The following BAG4 variants were observed in gnomAD, a reference collection of about 807,000 sequenced individuals.
BAG4 encodes the protein BAG family molecular chaperone regulator 4.
Under a neutral mutation model 52.1 loss-of-function variants are expected in BAG4, and 28 were observed. That is an observed-to-expected ratio of 0.54 (90% CI 0.40 to 0.74). The LOEUF (loss-of-function observed/expected upper bound fraction) is 0.74. Ranked by LOEUF, BAG4 falls within the 30% of genes least tolerant of loss-of-function variation. The pLI, the probability that BAG4 is intolerant of heterozygous loss-of-function variation, is 0.00. For missense variants in BAG4, 525 were observed against 572.0 expected, an observed-to-expected ratio of 0.92 and a Z score of 0.84; for synonymous variants, 208 against 217.0, an observed-to-expected ratio of 0.96 and a Z score of 0.37.
intron 1 of BAG4, among the ~76,000 whole-genome samples, chr8:38,191,242 C>T (rs1423636534): frequency 1.3e-5 from 2 of 152,048 alleles, no homozygotes; most frequent in East Asian, 1.9e-4. Context: ...CTATAATACC[C>T]GCATAACAGT....
At position 38,194,853 on chromosome 8, in the gene BAG4, T is replaced by G. The variant is rs12541461; in HGVS notation, c.378+2058T>G. 4.1e-3 allele frequency among the ~76,000 whole-genome samples: 618 copies of G among 150,260 alleles called. 10 individuals are homozygous for G. Among genetic ancestry groups the G allele is most frequent in the Admixed American group, 0.019 (292 of 15,056 alleles). ...TACTGGGGTGTTTTTTTTTGTTTTT[T>G]TTTTTTTTTGTTTTTTTTTTTGGCC... On this transcript the variant is annotated intron_variant, in intron 2 of 4. Coordinates refer to ENST00000287322, the MANE Select transcript of BAG4 (RefSeq NM_004874.4).
At chr8:38,180,522 C>CAAAAAAAAAAAA (rs1161178024) in intron 1 of BAG4, among the ~76,000 whole-genome samples, 3,281 of 26,472 alleles carry the variant, frequency 0.12, 581 homozygotes, top group Non-Finnish European at 0.19. Context: ...GACTCCGTCT[C>CAAAAAAAAAAAA]AAAAAAAAAA....
intron 2 of BAG4, among the ~76,000 whole-genome samples, chr8:38,204,663 AAAC>A (rs1196960913): frequency 2.0e-5 from 3 of 152,026 alleles, no homozygotes; most frequent in Non-Finnish European, 2.9e-5. Flanking sequence ...AAAAAAACAA[AAAC>A]AACGCCTGTG....
Position 38,213,250 on chromosome 8 carries a change from A to G in BAG4, c.*2757A>G, listed in dbSNP as rs981947604. The G allele has an allele frequency of 2.0e-5, 3 of 151,912 alleles. No homozygotes were observed. Among genetic ancestry groups the G allele is most frequent in the African/African-American group, 7.3e-5 (3 of 41,378 alleles). 9.4% of individuals were successfully genotyped at this position (151,912 alleles called of 1,614,324 possible). On this transcript the variant is annotated 3_prime_UTR_variant, in exon 5 of 5. Transcript: ENST00000287322. ...CTACATTTATATTACTTTGGGGATC[A>G]TTTTGTCAAAGTCTTGAATAAAGTT... is the stretch of plus-strand genomic sequence containing the variant.
chr8:38,204,611 C>T (rs551394823), intron 2 of BAG4, among the ~76,000 whole-genome samples: 8 of 150,804 alleles, frequency 5.3e-5, no homozygotes, highest in Admixed American at 2.0e-4. Flanking sequence ...GGCAACATAG[C>T]GTGACCTCAT....
rs1202161675 is a variant in BAG4, at chr8:38,213,237, TACTTTGGGGATC to T, written c.*2746_*2757del. The stretch of plus-strand genomic sequence containing the variant: ...CTTTTTAAAGTGTCTACATTTATAT[TACTTTGGGGATC>T]ATTTTGTCAAAGTCTTGAATAAAGT... On this transcript the variant is annotated 3_prime_UTR_variant, in exon 5 of 5. Coordinates refer to ENST00000287322, the MANE Select transcript of BAG4 (RefSeq NM_004874.4). The T allele has an allele frequency of 1.3e-5, 2 of 152,188 alleles. No homozygotes were observed. The highest frequency in any genetic ancestry group is 4.8e-5 in the African/African-American group (2 of 41,462). 9.4% of individuals were successfully genotyped at this position (152,188 alleles called of 1,614,324 possible).
chr8:38,178,292 T>C (rs911366589), intron 1 of BAG4, among the ~76,000 whole-genome samples: 3 of 152,014 alleles, frequency 2.0e-5, no homozygotes, highest in Non-Finnish European at 4.4e-5. Flanking sequence ...GTAGCTAGGA[T>C]TACAGGCGCC....
chr8:38,201,881 T>A (rs1803683587), intron 2 of BAG4: 2 of 3,834 alleles, frequency 5.2e-4, no homozygotes, highest in Non-Finnish European at 1.1e-3. Flanking sequence ...TATATATATA[T>A]TTTTTTTTTT....
intron 2 of BAG4, among the ~76,000 whole-genome samples, chr8:38,205,285 A>G (rs1803752770): frequency 7.0e-6 from 1 of 142,556 alleles, no homozygotes; most frequent in South Asian, 2.2e-4. Flanking sequence ...CCTGGGCTCA[A>G]GCAATCCTCC....
At position 38,192,601 on chromosome 8, in the gene BAG4, T is replaced by A. The variant is rs190452286; in HGVS notation, c.271-87T>A. 192 of 1,058,732 alleles carry A rather than the reference T, an allele frequency of 1.8e-4. 2 individuals are homozygous for A. In the East Asian group the frequency reaches 3.7e-3, roughly 20 times the overall value. The allele number at this position is 1,058,732 out of a possible 1,614,324, so 65.6% of individuals were successfully genotyped here. A position where few individuals can be genotyped will look rare whatever the true frequency, so the allele number is the denominator to read the frequency against. On this transcript the variant is annotated intron_variant, in intron 1 of 4. Transcript: ENST00000287322. ...GCTTTTTGTCTATTGCTTTTTTTTTTAATCCTTATAACCTGCCTCTATCAA... is the reference window on the plus strand; with the variant it reads ...GCTTTTTGTCTATTGCTTTTTTTTTAAATCCTTATAACCTGCCTCTATCAA...
chr8:38,183,236 A>ATGG (rs1585651390), intron 1 of BAG4, among the ~76,000 whole-genome samples: 2 of 151,538 alleles, frequency 1.3e-5, no homozygotes, highest in Non-Finnish European at 2.9e-5. Context: ...TTTAGTAGAG[A>ATGG]TGGGGTTTCA....
intron 1 of BAG4, among the ~76,000 whole-genome samples, chr8:38,184,357 C>T (rs1366842939): frequency 2.0e-5 from 3 of 152,074 alleles, no homozygotes; most frequent in South Asian, 2.1e-4. Context: ...TTCCTAGCTA[C>T]TCAGGAGGCT....
chr8:38,201,864 ATATATATATATATATATTTTTTTTTTTT>A lies in BAG4; in HGVS notation c.379-5646_379-5619del, dbSNP rs1803675380. The A allele has an allele frequency of 8.3e-4, 5 of 6,036 alleles. 1 individual carries two copies. The highest frequency in any genetic ancestry group is 1.3e-3 in the Non-Finnish European group (3 of 2,296). The allele number at this position is 6,036 out of a possible 1,614,324, so 0.4% of individuals were successfully genotyped here. On this transcript the variant is annotated intron_variant, in intron 2 of 4. Coordinates refer to ENST00000287322, the MANE Select transcript of BAG4 (RefSeq NM_004874.4). The stretch of plus-strand genomic sequence containing the variant: ...TATATATATATATATATATATATAT[ATATATATATATATATATTTTTTTTTTTT>A]TTTTTTTTTTTTTTTTTAAGAAGCT...
intron 2 of BAG4, among the ~76,000 whole-genome samples, chr8:38,199,607 T>G (rs144374740): frequency 0.02 from 3,047 of 151,200 alleles, 90 homozygotes; most frequent in African/African-American, 0.07. Flanking sequence ...CACTACAAGC[T>G]CCACATCCCA....
At chr8:38,181,474 C>G (rs1010494906) in intron 1 of BAG4, among the ~76,000 whole-genome samples, 1 of 151,902 alleles carries the variant, frequency 6.6e-6, no homozygotes, top group Non-Finnish European at 1.5e-5. Context: ...CGGTGTCTCA[C>G]GCCTGTAATC....
chr8:38,190,920 G>A (rs1488445137), intron 1 of BAG4, among the ~76,000 whole-genome samples: 1 of 151,866 alleles, frequency 6.6e-6, no homozygotes, highest in East Asian at 1.9e-4. Context: ...ACCACACCCA[G>A]CTAATTTTTG....
chr8:38,207,621 C>T lies in BAG4; in HGVS notation c.488C>T (p.Thr163Ile). The T allele has an allele frequency of 6.2e-7, 1 of 1,614,132 alleles. No individual in the cohort carries two copies. Among genetic ancestry groups the T allele is most frequent in the Non-Finnish European group, 8.5e-7 (1 of 1,180,014 alleles). The change falls in exon 3 of 5, where the codon ACC (threonine) becomes ATC (isoleucine). Residue 163 changes from threonine (T) to isoleucine (I), a missense_variant. This residue lies in a region of BAG4 where 287 missense variants were observed against 266.1 expected (regional missense o/e 1.08). Transcript: ENST00000287322. ...GAYYAPGYTQ[T>I]SYSTEVPSTY... The stretch of plus-strand genomic sequence containing the variant: ...TATTATGCACCTGGTTATACTCAGA[C>T]CAGTTACTCCACAGAAGTTCCAAGT...
At chr8:38,205,480 T>C (rs1563285106) in intron 2 of BAG4, among the ~76,000 whole-genome samples, 1 of 152,206 alleles carries the variant, frequency 6.6e-6, no homozygotes, top group Non-Finnish European at 1.5e-5. Flanking sequence ...AATGCTGCGA[T>C]GAAGAACTTC....
intron 1 of BAG4, among the ~76,000 whole-genome samples, chr8:38,188,885 C>T (rs1218894796): frequency 1.3e-5 from 2 of 151,498 alleles, no homozygotes; most frequent in South Asian, 2.1e-4. Flanking sequence ...CCTCCGCCTC[C>T]CAGGTTCAAG....
Sources: gnomAD v4.1 joint callset for allele counts (sites outside exome capture counted in the v4.1 genomes callset) on GRCh38, gnomAD v4.1.1 for gene constraint, gnomAD v4.1.1 regional missense constraint, MANE v1.5 for transcripts, NCBI Gene and HGNC (gene_info 2026-07-23, HGNC 2026-07-21) for gene names.